The following THRB variants were observed in gnomAD, a reference collection of about 807,000 sequenced individuals.
THRB encodes nuclear receptor subfamily 1 group A member 2.
A neutral mutation model predicts 47.8 loss-of-function variants in THRB; 12 were observed. The ratio of observed to expected loss-of-function variants is 0.25; its 90% confidence interval spans 0.16 to 0.41. The LOEUF (loss-of-function observed/expected upper bound fraction) is 0.41. Ranked by LOEUF, THRB falls within the 10% of genes least tolerant of loss-of-function variation. The probability of loss-of-function intolerance (pLI) is 1.00; values close to 1 mark genes in which losing one functional copy is unlikely to be tolerated. For synonymous variants in THRB, 218 were observed against 212.2 expected (o/e 1.03, Z -0.24); for missense variants, 348 against 589.2 (o/e 0.59, Z 4.24).
At chr3:24,379,921 T>C (rs1341486812) in intron 1 of THRB, among the ~76,000 whole-genome samples, 1 of 151,864 alleles carries the variant, frequency 6.6e-6, no homozygotes, top group East Asian at 1.9e-4. Flanking sequence ...CTCTCCCTTC[T>C]TCATTCCTCC....
At chr3:24,165,050 G>A (rs778324504) in intron 5 of THRB, 1 of 760,022 alleles carries the variant, frequency 1.3e-6, no homozygotes, top group South Asian at 1.3e-5. Flanking sequence ...ATACGATGGC[G>A]ACTGCACTTG....
chr3:24,197,986 C>G (rs1185316335), intron 4 of THRB, among the ~76,000 whole-genome samples: 2 of 152,208 alleles, frequency 1.3e-5, no homozygotes, highest in Non-Finnish European at 2.9e-5. Context: ...GAAACACTGA[C>G]TTAATCGGTT....
At chr3:24,391,326 G>T (rs2066553960) in intron 1 of THRB, among the ~76,000 whole-genome samples, 1 of 152,084 alleles carries the variant, frequency 6.6e-6, no homozygotes, top group Non-Finnish European at 1.5e-5. Context: ...TCTCCTTAGA[G>T]TCACCTTGTT....
At chr3:24,257,280 ATT>A (rs1206119272) in intron 3 of THRB, among the ~76,000 whole-genome samples, 3 of 152,096 alleles carry the variant, frequency 2.0e-5, no homozygotes, top group African/African-American at 7.2e-5. Flanking sequence ...ATCAAAAGGT[ATT>A]TTTTGATACC....
At chr3:24,417,966 C>T (rs2068897380) in intron 1 of THRB, among the ~76,000 whole-genome samples, 1 of 151,854 alleles carries the variant, frequency 6.6e-6, no homozygotes, top group African/African-American at 2.4e-5. Context: ...GGCCAAAAGC[C>T]TATGTGCTTT....
At chr3:24,175,800 G>GTCTT (rs1343864341) in intron 5 of THRB, among the ~76,000 whole-genome samples, 1 of 152,114 alleles carries the variant, frequency 6.6e-6, no homozygotes, top group African/African-American at 2.4e-5. Flanking sequence ...ATTGCATGGT[G>GTCTT]TCTTTATAAA....
chr3:24,453,075 C>G (rs915267861), intron 1 of THRB, among the ~76,000 whole-genome samples: 1 of 152,192 alleles, frequency 6.6e-6, no homozygotes, highest in African/African-American at 2.4e-5. Flanking sequence ...ATCTCAGGCA[C>G]TGGCACCACC....
chr3:24,495,207 G>A (rs1000287384), upstream of THRB: 2 of 152,892 alleles, frequency 1.3e-5, no homozygotes, highest in African/African-American at 4.8e-5. Flanking sequence ...CCTCACGGCT[G>A]TCCGACTTGC....
chr3:24,445,141 A>C (rs903568960), intron 1 of THRB, among the ~76,000 whole-genome samples: 8 of 152,122 alleles, frequency 5.3e-5, no homozygotes, highest in African/African-American at 1.9e-4. Flanking sequence ...TTTAATCAAA[A>C]AGTCAGTGAA....
intron 1 of THRB, among the ~76,000 whole-genome samples, chr3:24,462,170 A>G (rs1025308452): frequency 6.6e-5 from 10 of 152,228 alleles, no homozygotes; most frequent in African/African-American, 2.2e-4. Flanking sequence ...GGCTAAAAAA[A>G]AAAAACTTTT....
At chr3:24,214,128 G>A (rs2046331862) in intron 4 of THRB, among the ~76,000 whole-genome samples, 1 of 152,222 alleles carries the variant, frequency 6.6e-6, no homozygotes, top group Non-Finnish European at 1.5e-5. Flanking sequence ...ACTTGCCCAA[G>A]GTCACAGCTG....
At chr3:24,442,262 CAGGCA>C (rs1481622522) in intron 1 of THRB, among the ~76,000 whole-genome samples, 2 of 152,252 alleles carry the variant, frequency 1.3e-5, no homozygotes, top group East Asian at 3.9e-4. Flanking sequence ...TATTATATGC[CAGGCA>C]AGGCACTGAT....
intron 4 of THRB, among the ~76,000 whole-genome samples, chr3:24,203,583 C>A (rs538541151): frequency 1.3e-5 from 2 of 152,112 alleles, no homozygotes; most frequent in African/African-American, 4.8e-5. Context: ...GCATGAGCGA[C>A]GCAGAAGATG....
intron 1 of THRB, among the ~76,000 whole-genome samples, chr3:24,483,302 T>C (rs1307596569): frequency 6.6e-6 from 1 of 152,126 alleles, no homozygotes; most frequent in African/African-American, 2.4e-5. Context: ...TAAGAAATTA[T>C]AGAGTAATTA....
chr3:24,488,493 G>A (rs963613105), intron 1 of THRB, among the ~76,000 whole-genome samples: 4 of 151,512 alleles, frequency 2.6e-5, no homozygotes, highest in Non-Finnish European at 4.4e-5. Flanking sequence ...CAAGACAAAC[G>A]TAAGTTGAGA....
At chr3:24,133,925 G>T (rs1239251017) in intron 8 of THRB, among the ~76,000 whole-genome samples, 1 of 152,182 alleles carries the variant, frequency 6.6e-6, no homozygotes, top group African/African-American at 2.4e-5. Flanking sequence ...ACAGCGCCCT[G>T]TGGATTCTTG....
intron 2 of THRB, among the ~76,000 whole-genome samples, chr3:24,332,239 C>T (rs1284059129): frequency 6.6e-6 from 1 of 152,186 alleles, no homozygotes; most frequent in African/African-American, 2.4e-5. Context: ...TGAAGGCTAG[C>T]ACCCCAGCAG....
chr3:24,420,678 A>G (rs572090649), intron 1 of THRB, among the ~76,000 whole-genome samples: 1 of 152,046 alleles, frequency 6.6e-6, no homozygotes, highest in South Asian at 2.1e-4. Context: ...CAGAATGGCT[A>G]TTATTAAAAA....
intron 7 of THRB, 38 bp downstream of exon 7, chr3:24,146,637 A>G: frequency 6.2e-7 from 1 of 1,611,566 alleles, no homozygotes; most frequent in South Asian, 1.1e-5. Flanking sequence ...TTCCTAATCA[A>G]CATTCCTTGA....
Sources: gnomAD v4.1 joint callset for allele counts (sites outside exome capture counted in the v4.1 genomes callset) on GRCh38, gnomAD v4.1.1 for gene constraint, MANE v1.5 for transcripts, NCBI Gene and HGNC (gene_info 2026-07-23, HGNC 2026-07-21) for gene names.